WRN: variants seen among roughly 807,000 people sequenced by gnomAD.
The protein encoded by WRN is bifunctional 3'-5' exonuclease/ATP-dependent helicase WRN.
Under a neutral mutation model 180.7 loss-of-function variants are expected in WRN, and 149 were observed. The observed-to-expected ratio is 0.82, with a 90% confidence interval of 0.72 to 0.94. The LOEUF is 0.94. Among genes scored for constraint, WRN ranks in the 40% least tolerant of loss-of-function variants. The pLI, the probability that WRN is intolerant of heterozygous loss-of-function variation, is 0.00. For missense variants in WRN, 1,661 were observed against 1,700.1 expected (o/e 0.98, Z 0.40); for synonymous variants, 548 against 568.9 (o/e 0.96, Z 0.52).
chr8:31,073,192 G>C (rs758555584), intron 7 of WRN, among the ~76,000 whole-genome samples: 1 of 152,162 alleles, frequency 6.6e-6, no homozygotes, highest in Non-Finnish European at 1.5e-5. Flanking sequence ...TTTAGCCCCA[G>C]GGCATTTTGG....
chr8:31,085,440 A>G (rs1813492770), intron 11 of WRN, among the ~76,000 whole-genome samples, 194 bp downstream of exon 11: 1 of 151,726 alleles, frequency 6.6e-6, no homozygotes, highest in African/African-American at 2.4e-5. Flanking sequence ...GTAATATACT[A>G]ATTTTAATTG....
rs11574203 is a variant in WRN, at chr8:31,066,860, A to G, written c.505-173A>G. Among the ~76,000 whole-genome samples the G allele has an allele frequency of 4.1e-3, 631 of 152,302 alleles. 3 individuals are homozygous for G. The highest frequency in any genetic ancestry group is 6.2e-3 in the Non-Finnish European group (420 of 68,016). On this transcript the variant is annotated intron_variant, in intron 5 of 34. Transcript: ENST00000298139. Reference sequence around the variant, plus strand: ...GAAATTCTAGAATTAAATTCTTACAATGTGGACTGCATATGAGGCTTTTAG... The same window carrying G: ...GAAATTCTAGAATTAAATTCTTACAGTGTGGACTGCATATGAGGCTTTTAG...
intron 8 of WRN, among the ~76,000 whole-genome samples, chr8:31,079,075 A>T (rs981709446): frequency 1.3e-5 from 2 of 152,206 alleles, no homozygotes; most frequent in African/African-American, 4.8e-5. Flanking sequence ...TATAAAGCTA[A>T]AAGTTCTTTA....
intron 1 of WRN, among the ~76,000 whole-genome samples, chr8:31,044,691 G>A (rs1811794229): frequency 6.6e-6 from 1 of 152,148 alleles, no homozygotes; most frequent in African/African-American, 2.4e-5. Context: ...AACTACCACT[G>A]ACACTTCGTT....
intron 16 of WRN, among the ~76,000 whole-genome samples, chr8:31,093,728 A>G (rs536568060): frequency 1.3e-5 from 2 of 152,300 alleles, no homozygotes; most frequent in African/African-American, 4.8e-5. Flanking sequence ...GATAATGAAC[A>G]TATTCATCAC....
At chr8:31,095,532 A>G (rs1000194058) in intron 16 of WRN, among the ~76,000 whole-genome samples, 12 of 152,190 alleles carry the variant, frequency 7.9e-5, no homozygotes, top group Admixed American at 6.5e-4. Flanking sequence ...TTTAAGTTTT[A>G]CATTTAGATT....
At chr8:31,036,481 A>G (rs1020083528) in intron 1 of WRN, among the ~76,000 whole-genome samples, 5 of 152,222 alleles carry the variant, frequency 3.3e-5, no homozygotes, top group African/African-American at 1.2e-4. Context: ...ACAGCGAGGA[A>G]GGAGTTCCCT....
At chr8:31,092,613 G>A (rs903509006) in intron 16 of WRN, among the ~76,000 whole-genome samples, 1 of 151,316 alleles carries the variant, frequency 6.6e-6, no homozygotes, top group African/African-American at 2.4e-5. Context: ...CTTTCTTTAC[G>A]TATATATTAG....
chr8:31,089,301 T>C (rs1813654586), intron 13 of WRN, among the ~76,000 whole-genome samples: 2 of 152,076 alleles, frequency 1.3e-5, no homozygotes, highest in African/African-American at 4.8e-5. Context: ...TTGTGTATAT[T>C]ACCCAGAACA....
At chr8:31,121,083 AT>A (rs1801708314) in intron 21 of WRN, among the ~76,000 whole-genome samples, 1 of 151,934 alleles carries the variant, frequency 6.6e-6, no homozygotes, top group African/African-American at 2.4e-5. Context: ...GTTCTATGAG[AT>A]TTTTTGTTGT....
chr8:31,099,702 A>G (rs746985147), intron 17 of WRN, among the ~76,000 whole-genome samples: 5 of 151,600 alleles, frequency 3.3e-5, no homozygotes, highest in Non-Finnish European at 7.4e-5. Context: ...CATGGATTGT[A>G]TTTTATTAGT....
intron 5 of WRN, among the ~76,000 whole-genome samples, chr8:31,065,411 A>C (rs1409984766): frequency 6.6e-6 from 1 of 151,770 alleles, no homozygotes; most frequent in Non-Finnish European, 1.5e-5. Flanking sequence ...CACCTCCCAC[A>C]GTGTGTGTTG....
intron 1 of WRN, among the ~76,000 whole-genome samples, chr8:31,057,646 T>C (rs1277780944): frequency 6.6e-6 from 1 of 152,138 alleles, no homozygotes; most frequent in Non-Finnish European, 1.5e-5. Flanking sequence ...TTTGAGGAAT[T>C]TGCTAAGAAC....
At chr8:31,140,764 T>A (rs1802590072) in intron 24 of WRN, among the ~76,000 whole-genome samples, 1 of 152,190 alleles carries the variant, frequency 6.6e-6, no homozygotes, top group South Asian at 2.1e-4. Flanking sequence ...TTGTTTTGTT[T>A]TGTTTTTTTG....
At position 31,154,855 on chromosome 8, in the gene WRN, C is replaced by G. The variant is rs1260228478; in HGVS notation, c.3819+100C>G. On this transcript the variant is annotated intron_variant, in intron 32 of 34. Coordinates refer to ENST00000298139, the MANE Select transcript of WRN (RefSeq NM_000553.6). ...AAAGTTCTGACTTGGGATCAATTTC[C>G]TCCAACCCTACAATAAATCTCAGTT... 6 of 1,404,946 alleles carry G rather than the reference C, an allele frequency of 4.3e-6. No individual in the cohort carries two copies. In the African/African-American group the frequency reaches 8.7e-5, roughly 20 times the overall value. The allele number at this position is 1,404,946 out of a possible 1,614,324, so 87.0% of individuals were successfully genotyped here. A position where few individuals can be genotyped will look rare whatever the true frequency, so the allele number is the denominator to read the frequency against.
intron 19 of WRN, 35 bp from the exon 20 acceptor site, chr8:31,116,319 T>C: frequency 6.2e-7 from 1 of 1,609,362 alleles, no homozygotes; most frequent in Non-Finnish European, 8.5e-7. Context: ...GTATAAAGTA[T>C]ATATGTTTGC....
intron 24 of WRN, among the ~76,000 whole-genome samples, chr8:31,137,199 A>C (rs1381167313): frequency 3.3e-5 from 5 of 152,152 alleles, no homozygotes; most frequent in Non-Finnish European, 5.9e-5. Flanking sequence ...GAAACAAGAC[A>C]ATGTAAATTT....
chr8:31,103,825 C>G (rs1800976708), intron 18 of WRN, among the ~76,000 whole-genome samples: 1 of 152,130 alleles, frequency 6.6e-6, no homozygotes, highest in Non-Finnish European at 1.5e-5. Flanking sequence ...AGCTCCGCCT[C>G]CTGGGTTCAC....
At chr8:31,121,140 A>C (rs915359663) in intron 21 of WRN, among the ~76,000 whole-genome samples, 10 of 152,008 alleles carry the variant, frequency 6.6e-5, no homozygotes, top group Admixed American at 6.6e-4. Flanking sequence ...GCATTTACCA[A>C]TACTTTGTTC....
Sources: gnomAD v4.1 joint callset for allele counts (sites outside exome capture counted in the v4.1 genomes callset) on GRCh38, gnomAD v4.1.1 for gene constraint, MANE v1.5 for transcripts, NCBI Gene and HGNC (gene_info 2026-07-23, HGNC 2026-07-21) for gene names.